Variants in TRIP12 observed in about 807,000 individuals in gnomAD.
TRIP12 encodes E3 ubiquitin-protein ligase TRIP12.
TRIP12 carries 25 observed loss-of-function variants against 244.2 expected under a neutral mutation model. The ratio of observed to expected loss-of-function variants is 0.10; its 90% CI spans 0.07 to 0.14. The LOEUF (loss-of-function observed/expected upper bound fraction) is 0.14, where lower values mean the gene tolerates loss of function less well. Among genes scored for constraint, TRIP12 ranks in the 10% least tolerant of loss-of-function variants. The probability of loss-of-function intolerance (pLI) is 1.00; values close to 1 mark genes in which losing one functional copy is unlikely to be tolerated. For missense variants in TRIP12, 1,677 were observed against 2,486.4 expected (o/e 0.67, Z 6.92); for synonymous variants, 905 against 873.1 (o/e 1.04, Z -0.64).
intron 1 of TRIP12, among the ~76,000 whole-genome samples, chr2:229,890,583 T>C (rs1016977881): frequency 7.2e-5 from 11 of 152,128 alleles, no homozygotes; most frequent in Admixed American, 2.0e-4. Context: ...ATTAAGATTA[T>C]AGTTAAGGTG....
intron 38 of TRIP12, among the ~76,000 whole-genome samples, chr2:229,773,329 C>T (rs2035130435): frequency 6.6e-6 from 1 of 151,948 alleles, no homozygotes; most frequent in African/African-American, 2.4e-5. Context: ...CTACCACGGC[C>T]AACCAAAGTG....
At chr2:229,872,104 T>TAAAAAAAAAAAAAAAAAA (rs34496202) in intron 2 of TRIP12, among the ~76,000 whole-genome samples, 13 of 105,264 alleles carry the variant, frequency 1.2e-4, no homozygotes, top group East Asian at 2.9e-4. Context: ...ACAGATATTG[T>TAAAAAAAAAAAAAAAAAA]AAAAAAAAAA....
At chr2:229,893,427 C>T (rs73103503) in intron 1 of TRIP12, among the ~76,000 whole-genome samples, 1,705 of 152,208 alleles carry the variant, frequency 0.011, 31 homozygotes, top group African/African-American at 0.039. Flanking sequence ...ACCCAAGAAA[C>T]TTTCCTCACG....
intron 24 of TRIP12, 91 bp downstream of exon 24, chr2:229,797,599 A>G: frequency 6.6e-7 from 1 of 1,505,328 alleles, no homozygotes. Flanking sequence ...AGCTAAATCC[A>G]TAGGAAGCTA....
chr2:229,842,623 A>T (rs1038160398), intron 4 of TRIP12, among the ~76,000 whole-genome samples: 1 of 152,134 alleles, frequency 6.6e-6, no homozygotes, highest in Admixed American at 6.6e-5. Flanking sequence ...CTTAAAAAAA[A>T]CCCTGTATTC....
chr2:229,797,942 C>A, intron 23 of TRIP12, 111 bp from the exon 24 acceptor site: 1 of 1,150,990 alleles, frequency 8.7e-7, no homozygotes. Flanking sequence ...TCTATGCTTA[C>A]AGTTTAAAAA....
chr2:229,877,816 C>T (rs543209786), intron 2 of TRIP12, among the ~76,000 whole-genome samples: 33 of 152,236 alleles, frequency 2.2e-4, no homozygotes, highest in African/African-American at 7.9e-4. Flanking sequence ...CAACAGCACA[C>T]GTTATAAGTG....
Position 229,830,850 on chromosome 2 carries a change from A to AT in TRIP12, c.1271-12_1271-11insA. On this transcript the variant is annotated splice_polypyrimidine_tract_variant and intron_variant, in intron 6 of 41. Coordinates refer to ENST00000675903, the MANE Select transcript of TRIP12 (RefSeq NM_001348323.3). Reference sequence around the variant, plus strand: ...CAACAGAACTAGAGGCTTGGGGTGGAGGGGAAAGATGAGGGTTAGGAGGAG... The same window carrying AT: ...CAACAGAACTAGAGGCTTGGGGTGGATGGGGAAAGATGAGGGTTAGGAGGAG... 6 of 1,613,838 alleles carry AT rather than the reference A, an allele frequency of 3.7e-6. No individual in the cohort carries two copies. Among genetic ancestry groups the AT allele is most frequent in the Non-Finnish European group, 5.1e-6 (6 of 1,179,842 alleles).
intron 2 of TRIP12, among the ~76,000 whole-genome samples, chr2:229,864,600 T>C (rs1189415586): frequency 1.3e-5 from 2 of 152,076 alleles, no homozygotes; most frequent in Non-Finnish European, 2.9e-5. Context: ...TCTTCAAATA[T>C]TACCAAACCT....
chr2:229,802,547 C>G lies in TRIP12; in HGVS notation c.2999-88G>C, dbSNP rs1045483548. On this transcript the variant is annotated intron_variant, in intron 20 of 41. Coordinates refer to ENST00000675903, the MANE Select transcript of TRIP12 (RefSeq NM_001348323.3). ...ATTACAAAATCCCTAAATACCAACACTGACATAATACACAAAAAGACTAAA... is the reference window on the plus strand; with the variant it reads ...ATTACAAAATCCCTAAATACCAACAGTGACATAATACACAAAAAGACTAAA... The G allele has an allele frequency of 5.6e-5, 54 of 962,116 alleles. No individual in the cohort carries two copies. In the East Asian group the frequency reaches 1.2e-3, roughly 22 times the overall value. The allele number at this position is 962,116 out of a possible 1,614,324, so 59.6% of individuals were successfully genotyped here. A position where few individuals can be genotyped will look rare whatever the true frequency, so the allele number is the denominator to read the frequency against.
chr2:229,879,272 T>A (rs2064322676), intron 2 of TRIP12, among the ~76,000 whole-genome samples: 1 of 152,072 alleles, frequency 6.6e-6, no homozygotes, highest in Admixed American at 6.5e-5. Context: ...ATTTAACAAT[T>A]ATCCATCACA....
At chr2:229,799,479 TA>T in intron 21 of TRIP12, 96 bp from the exon 22 acceptor site, 1 of 1,150,878 alleles carries the variant, frequency 8.7e-7, no homozygotes, top group Admixed American at 1.8e-5. Context: ...AAACAGGGAG[TA>T]ATAAAATACT....
chr2:229,901,152 T>A (rs1438924395), intron 1 of TRIP12, among the ~76,000 whole-genome samples: 2 of 149,868 alleles, frequency 1.3e-5, no homozygotes, highest in Non-Finnish European at 3.0e-5. Context: ...CAGGCTGGTC[T>A]TGAACTCCTG....
chr2:229,804,028 C>T lies in TRIP12; in HGVS notation c.2850G>A (p.Lys950=), dbSNP rs1277154170. 6.2e-7 allele frequency: 1 copy of T among 1,613,644 alleles called. No individual in the cohort carries two copies. The change falls in exon 19 of 42, where the codon AAG becomes AAA. Residue 950 remains lysine (K), a synonymous_variant. Coordinates refer to ENST00000675903, the MANE Select transcript of TRIP12 (RefSeq NM_001348323.3). The part of the protein sequence containing the change: ...IIYFADAELL[K]DVLKNHAVSS... ...AAACAGCATGATTTTTCAGAACATC[C>T]TTCAGAAGTTCAGCATCCGCAAAAT...
At chr2:229,919,875 C>G (rs1407268619) in intron 1 of TRIP12, among the ~76,000 whole-genome samples, 1 of 152,202 alleles carries the variant, frequency 6.6e-6, no homozygotes, top group Non-Finnish European at 1.5e-5. Flanking sequence ...CAAAGATAGT[C>G]ACAGCAGTTC....
At chr2:229,898,105 G>A (rs560688346) in intron 1 of TRIP12, among the ~76,000 whole-genome samples, 1 of 152,340 alleles carries the variant, frequency 6.6e-6, no homozygotes, top group Non-Finnish European at 1.5e-5. Flanking sequence ...AGAGACAATA[G>A]GTGATAGTTT....
intron 4 of TRIP12, among the ~76,000 whole-genome samples, chr2:229,855,621 A>G (rs55845899): frequency 0.049 from 6,561 of 134,586 alleles, 197 homozygotes; most frequent in Non-Finnish European, 0.06. Context: ...AAAAAAAAAA[A>G]AAAGAGAAAA....
At chr2:229,834,657 G>A (rs913932009) in intron 6 of TRIP12, among the ~76,000 whole-genome samples, 4 of 152,104 alleles carry the variant, frequency 2.6e-5, no homozygotes, top group Non-Finnish European at 5.9e-5. Context: ...CTACTTAGGA[G>A]GCTGAGGCAA....
intron 4 of TRIP12, among the ~76,000 whole-genome samples, chr2:229,842,083 G>A (rs1000904338): frequency 6.6e-6 from 1 of 152,132 alleles, no homozygotes; most frequent in African/African-American, 2.4e-5. Flanking sequence ...GTTTAGACAG[G>A]CATTACTTTT....
Sources: gnomAD v4.1 joint callset for allele counts (sites outside exome capture counted in the v4.1 genomes callset) on GRCh38, gnomAD v4.1.1 for gene constraint, MANE v1.5 for transcripts, NCBI Gene and HGNC (gene_info 2026-07-23, HGNC 2026-07-21) for gene names.